MYBL1: variants seen among roughly 807,000 people sequenced by gnomAD.
The protein encoded by MYBL1 is MYB proto-oncogene like 1, also known as myb-related protein A.
MYBL1 carries 17 observed loss-of-function variants against 96.3 expected under a neutral mutation model. The ratio of observed to expected loss-of-function variants is 0.18; its 90% CI spans 0.12 to 0.26. MYBL1 has a LOEUF of 0.26. Among genes scored for constraint, MYBL1 ranks in the 10% least tolerant of loss-of-function variants. The probability of loss-of-function intolerance (pLI) is 1.00; values close to 1 mark genes in which losing one functional copy is unlikely to be tolerated. For synonymous variants in MYBL1, 282 were observed against 292.7 expected (o/e 0.96, Z 0.37); for missense variants, 701 against 882.9 (o/e 0.79, Z 2.61).
rs1476642436 is a variant in MYBL1 at position 66,563,788 on chromosome 8, G to A, written c.*909C>T. On this transcript the variant is annotated 3_prime_UTR_variant, in exon 16 of 16. Coordinates refer to ENST00000522677, the MANE Select transcript of MYBL1 (RefSeq NM_001080416.4). Reference sequence around the variant, plus strand: ...TTTAAAGGGCATAGTGCAACATTTAGGTAGATGTGACATACAGTATAGATA... The same window carrying A: ...TTTAAAGGGCATAGTGCAACATTTAAGTAGATGTGACATACAGTATAGATA... 6.6e-6 allele frequency: 1 copy of A among 152,360 alleles called. No homozygotes were observed. Among genetic ancestry groups the A allele is most frequent in the Non-Finnish European group, 1.5e-5 (1 of 67,912 alleles). The allele number at this position is 152,360 out of a possible 1,614,324, so 9.4% of individuals were successfully genotyped here.
chr8:66,602,593 T>G, intron 1 of MYBL1, 70 bp from the exon 2 acceptor site: 2 of 1,004,604 alleles, frequency 2.0e-6, no homozygotes, highest in Non-Finnish European at 3.0e-6. Flanking sequence ...ACTGAACTTG[T>G]GTGTGCAGGT....
At chr8:66,593,562 T>C (rs1184319336) in intron 6 of MYBL1, among the ~76,000 whole-genome samples, 3 of 152,226 alleles carry the variant, frequency 2.0e-5, no homozygotes, top group Admixed American at 1.3e-4. Flanking sequence ...TGTTCCTATG[T>C]GTCCATATGA....
chr8:66,569,110 T>G (rs1197362465), intron 12 of MYBL1, among the ~76,000 whole-genome samples: 2 of 152,170 alleles, frequency 1.3e-5, no homozygotes, highest in African/African-American at 4.8e-5. Flanking sequence ...TCTTCCCACC[T>G]TCCACTCTCT....
At chr8:66,565,109 A>C in intron 15 of MYBL1, 1 of 175,374 alleles carries the variant, frequency 5.7e-6, no homozygotes, top group Non-Finnish European at 1.2e-5. Context: ...TTCCCCCCAA[A>C]TCAAATGAGT....
chr8:66,592,765 T>TA (rs1586584553), intron 7 of MYBL1, among the ~76,000 whole-genome samples: 2 of 152,248 alleles, frequency 1.3e-5, no homozygotes, highest in Admixed American at 1.3e-4. Context: ...TTTAATGACT[T>TA]AAAAAATGTT....
At chr8:66,582,681 G>A (rs1809263207) in intron 8 of MYBL1, among the ~76,000 whole-genome samples, 1 of 142,794 alleles carries the variant, frequency 7.0e-6, no homozygotes, top group South Asian at 2.3e-4. Context: ...TCACAGCACT[G>A]TATTTCAGCC....
chr8:66,566,643 G>C (rs1344696514), intron 14 of MYBL1, 41 bp downstream of exon 14: 2 of 1,349,214 alleles, frequency 1.5e-6, no homozygotes, highest in Non-Finnish European at 2.1e-6. Context: ...AGGACTTAAA[G>C]CAACCATTTA....
intron 9 of MYBL1, among the ~76,000 whole-genome samples, chr8:66,579,482 C>A (rs1377900479): frequency 6.6e-6 from 1 of 151,660 alleles, no homozygotes; most frequent in African/African-American, 2.4e-5. Context: ...CATGATGAAA[C>A]CCCATCTCCA....
intron 9 of MYBL1, among the ~76,000 whole-genome samples, chr8:66,577,761 A>T (rs1470427478): frequency 6.6e-6 from 1 of 152,162 alleles, no homozygotes; most frequent in Non-Finnish European, 1.5e-5. Flanking sequence ...AAAAGAGCCC[A>T]CATCACCAAG....
In MYBL1 at chr8:66,562,205, T is replaced by G. The variant is rs1387341808; in HGVS notation, c.*2492A>C. The G allele has an allele frequency of 6.5e-6, 1 of 152,676 alleles. No homozygotes were observed. Among genetic ancestry groups the G allele is most frequent in the African/African-American group, 2.4e-5 (1 of 41,464 alleles). 9.5% of individuals were successfully genotyped at this position (152,676 alleles called of 1,614,324 possible). A position where few individuals can be genotyped will look rare whatever the true frequency, so the allele number is the denominator to read the frequency against. ...TTGTACACAGATGCTTTATTTTGGATGTTAATATGTCAACATTGTATGCAA... is the reference window on the plus strand; with the variant it reads ...TTGTACACAGATGCTTTATTTTGGAGGTTAATATGTCAACATTGTATGCAA... On this transcript the variant is annotated 3_prime_UTR_variant, in exon 16 of 16. Transcript: ENST00000522677.
Position 66,576,238 on chromosome 8 carries a change from A to G in MYBL1, c.1239T>C (p.Leu413=), listed in dbSNP as rs1300563992. 4.3e-6 allele frequency: 7 copies of G among 1,613,842 alleles called. No individual in the cohort carries two copies. The East Asian group carries it at 6.7e-5, about 15-fold the overall frequency. ...AAGTGTTTTTTTTCCCTTCAAGTAC[A>G]AGACTGACGTTAAATTGGCATTCCA... is the stretch of plus-strand genomic sequence containing the variant. ...GAMECQFNVS[L]VLEGKKNTCN... Residue 413 remains leucine, a synonymous_variant, in exon 10 of 16, where the codon CTT becomes CTC. Transcript: ENST00000522677.
At chr8:66,592,849 C>T (rs925279676) in intron 7 of MYBL1, among the ~76,000 whole-genome samples, 7 of 151,984 alleles carry the variant, frequency 4.6e-5, no homozygotes, top group Admixed American at 3.9e-4. Context: ...ATATTCTATA[C>T]AATTTAGCAA....
chr8:66,602,342 C>T, intron 2 of MYBL1, 76 bp downstream of exon 2: 1 of 1,018,330 alleles, frequency 9.8e-7, no homozygotes. Flanking sequence ...TGAGCCACCA[C>T]ACCTGGCCGT....
chr8:66,589,318 CTT>C (rs201161062), intron 8 of MYBL1, among the ~76,000 whole-genome samples: 5 of 141,734 alleles, frequency 3.5e-5, no homozygotes, highest in Non-Finnish European at 3.1e-5. Context: ...TTCTTTGTGG[CTT>C]TTTTTTTTTT....
In MYBL1 at chr8:66,602,699, CTATATATATATATATATATA is replaced by C. The variant is rs67236935; in HGVS notation, c.21-196_21-177del. Among the ~76,000 whole-genome samples, 59 of 27,276 alleles carry C rather than the reference CTATATATATATATATATATA, an allele frequency of 2.2e-3. 1 individual carries two copies. Among genetic ancestry groups the C allele is most frequent in the African/African-American group, 7.9e-3 (52 of 6,614 alleles). The allele number at this position is 27,276 out of a possible 152,430, so 17.9% of individuals were successfully genotyped here. A position where few individuals can be genotyped will look rare whatever the true frequency, so the allele number is the denominator to read the frequency against. On this transcript the variant is annotated intron_variant, in intron 1 of 15. Coordinates refer to ENST00000522677, the MANE Select transcript of MYBL1 (RefSeq NM_001080416.4). ...AGTCAGACAGCGGGGTGGGGTGGAG[CTATATATATATATATATATA>C]TATATATATATATATTTTTTTTTTT...
chr8:66,600,973 C>T lies in MYBL1; in HGVS notation c.198+725G>A, dbSNP rs7009358. ...ATCACCTGAGGTCGGGAGTTTGAGA[C>T]CAGCCTGACCAACATGGAGAAACCC... On this transcript the variant is annotated intron_variant, in intron 3 of 15. Transcript: ENST00000522677. Among the ~76,000 whole-genome samples the T allele has an allele frequency of 6.8e-4, 103 of 151,612 alleles. 1 individual carries two copies. Among genetic ancestry groups the T allele is most frequent in the African/African-American group, 2.4e-3 (100 of 41,338 alleles).
At chr8:66,589,868 C>G (rs541675120) in intron 8 of MYBL1, among the ~76,000 whole-genome samples, 3 of 152,178 alleles carry the variant, frequency 2.0e-5, no homozygotes, top group Admixed American at 2.0e-4. Flanking sequence ...TTTGCAGTTT[C>G]AAAACAGAAA....
intron 1 of MYBL1, among the ~76,000 whole-genome samples, chr8:66,603,657 AT>A (rs1378675501): frequency 2.0e-5 from 3 of 151,562 alleles, no homozygotes; most frequent in Admixed American, 1.3e-4. Flanking sequence ...TGCCCAGCTA[AT>A]TTTTTCTATT....
In MYBL1 at chr8:66,564,648, G is replaced by T; in HGVS notation, c.*49C>A. On this transcript the variant is annotated 3_prime_UTR_variant, in exon 16 of 16. Coordinates refer to ENST00000522677, the MANE Select transcript of MYBL1 (RefSeq NM_001080416.4). ...AAAAATTTCACTGCAACCTAATTTA[G>T]TAGAGACTGCAGTAAGGGAGTGGGG... The T allele has an allele frequency of 6.9e-7, 1 of 1,454,678 alleles. No individual in the cohort carries two copies. Among genetic ancestry groups the T allele is most frequent in the Non-Finnish European group, 9.2e-7 (1 of 1,082,040 alleles). 90.1% of individuals were successfully genotyped at this position (1,454,678 alleles called of 1,614,324 possible).
Sources: allele counts gnomAD v4.1 joint callset (sites outside exome capture counted in the v4.1 genomes callset), GRCh38; gene constraint gnomAD v4.1.1; transcripts MANE v1.5; gene names NCBI Gene and HGNC (gene_info 2026-07-23, HGNC 2026-07-21).